TRPM3: variants seen among roughly 807,000 people sequenced by gnomAD.
TRPM3 encodes long transient receptor potential channel 3.
A neutral mutation model predicts 181.2 loss-of-function variants in TRPM3; 77 were observed. That is an observed-to-expected ratio of 0.42 (90% CI 0.35 to 0.51). The LOEUF is 0.51. TRPM3 is among the 20% of genes least tolerant of loss of function. The pLI is 0.01. For missense variants in TRPM3, 1,759 were observed against 2,196.7 expected, an observed-to-expected ratio of 0.80 and a Z score of 3.98; for synonymous variants, 745 against 796.4, an observed-to-expected ratio of 0.94 and a Z score of 1.09.
At chr9:71,155,918 G>C (rs778185726) in intron 1 of TRPM3, among the ~76,000 whole-genome samples, 49 of 152,090 alleles carry the variant, frequency 3.2e-4, no homozygotes, top group African/African-American at 9.7e-5. Flanking sequence ...ATCACCCAGG[G>C]AAAGTGTCAA....
intron 1 of TRPM3, among the ~76,000 whole-genome samples, chr9:71,049,825 C>A (rs1339218911): frequency 1.3e-5 from 2 of 152,142 alleles, no homozygotes; most frequent in Non-Finnish European, 2.9e-5. Flanking sequence ...TTTTCTAGTT[C>A]TGTAAGTTTG....
intron 1 of TRPM3, among the ~76,000 whole-genome samples, chr9:71,152,868 C>T (rs1312192617): frequency 6.6e-6 from 1 of 152,174 alleles, no homozygotes; most frequent in African/African-American, 2.4e-5. Context: ...ATTTCAGGCA[C>T]TGTGTTTGGT....
At chr9:71,359,098 G>A (rs1465559129) in intron 1 of TRPM3, among the ~76,000 whole-genome samples, 2 of 152,218 alleles carry the variant, frequency 1.3e-5, no homozygotes, top group Non-Finnish European at 2.9e-5. Context: ...AACTAGGTGG[G>A]CAAGATTAAC....
rs560814523 is a variant in TRPM3 at position 70,808,390 on chromosome 9, T to C, written c.973+19457A>G. Among the ~76,000 whole-genome samples, 13 of 152,300 alleles carry C rather than the reference T, an allele frequency of 8.5e-5. No homozygotes were observed. In the East Asian group the frequency reaches 1.9e-3, roughly 23 times the overall value. On this transcript the variant is annotated intron_variant, in intron 6 of 25. Coordinates refer to ENST00000677713, the MANE Select transcript of TRPM3 (RefSeq NM_001366145.2). Reference sequence around the variant, plus strand: ...ACTATCCCAGTCCCTGAACAACTAATTCCAATGTAGAAAAGTCTCTTTGCT... The same window carrying C: ...ACTATCCCAGTCCCTGAACAACTAACTCCAATGTAGAAAAGTCTCTTTGCT...
chr9:70,946,335 C>T lies in TRPM3; in HGVS notation c.178-81824G>A, dbSNP rs563645434. ...TTATACTGGTTAAGAACCTTGAATC[C>T]TTAGGCAGGCTGAGTTAAAATTCCA... On this transcript the variant is annotated intron_variant, in intron 1 of 25. Transcript: ENST00000677713. Among the ~76,000 whole-genome samples the T allele has an allele frequency of 1.2e-3, 182 of 152,060 alleles. 1 individual carries two copies. The highest frequency in any genetic ancestry group is 4.2e-3 in the African/African-American group (175 of 41,440).
At chr9:71,153,291 A>ATTT (rs370590474) in intron 1 of TRPM3, among the ~76,000 whole-genome samples, 3,968 of 139,998 alleles carry the variant, frequency 0.028, 216 homozygotes, top group African/African-American at 0.096. Flanking sequence ...GGCGCCATTA[A>ATTT]TTTTTTTTTT....
chr9:71,173,931 A>G (rs1490023768), intron 1 of TRPM3, among the ~76,000 whole-genome samples: 2 of 152,212 alleles, frequency 1.3e-5, no homozygotes, highest in Admixed American at 6.6e-5. Flanking sequence ...TGCTAAAAAT[A>G]AAGTCATTCC....
At chr9:70,935,449 G>T (rs904475305) in intron 1 of TRPM3, among the ~76,000 whole-genome samples, 4 of 152,182 alleles carry the variant, frequency 2.6e-5, no homozygotes, top group Non-Finnish European at 5.9e-5. Flanking sequence ...AGGCTGACCT[G>T]CATAATTACC....
intron 7 of TRPM3, among the ~76,000 whole-genome samples, chr9:70,778,300 T>A (rs1323524587): frequency 2.0e-5 from 3 of 152,190 alleles, no homozygotes; most frequent in Admixed American, 2.0e-4. Context: ...TCTGTGCTCT[T>A]GTGACCTTTT....
chr9:71,279,040 AAAAT>A (rs1365678197), intron 1 of TRPM3, among the ~76,000 whole-genome samples: 2 of 96,550 alleles, frequency 2.1e-5, no homozygotes, highest in Non-Finnish European at 2.3e-5. Context: ...TAGGTTAAAA[AAAAT>A]AAAAATAAAA....
chr9:71,163,268 C>T (rs779939945), intron 1 of TRPM3, among the ~76,000 whole-genome samples: 27 of 151,716 alleles, frequency 1.8e-4, no homozygotes, highest in South Asian at 4.2e-4. Flanking sequence ...GTGATTTGGA[C>T]GAGAATAGAT....
At chr9:71,296,151 T>C (rs1045020215) in intron 1 of TRPM3, among the ~76,000 whole-genome samples, 1 of 152,232 alleles carries the variant, frequency 6.6e-6, no homozygotes, top group Non-Finnish European at 1.5e-5. Flanking sequence ...GTTTCTCTTT[T>C]AATCTTCAAA....
In TRPM3 at chr9:70,541,406, G is replaced by A. The variant is rs568017224; in HGVS notation, c.3708-4001C>T. On this transcript the variant is annotated intron_variant, in intron 25 of 25. Transcript: ENST00000677713. ...GAAATGTGTGATCACTTAGGTCATG[G>A]ACCTAGCTGATAGGGGTTTAATATA... Among the ~76,000 whole-genome samples, 11 of 152,204 alleles carry A rather than the reference G, an allele frequency of 7.2e-5. No homozygotes were observed. In the South Asian group the frequency reaches 2.3e-3, roughly 32 times the overall value.
chr9:71,178,204 T>C (rs1348821282), intron 1 of TRPM3, among the ~76,000 whole-genome samples: 2 of 152,100 alleles, frequency 1.3e-5, no homozygotes, highest in Non-Finnish European at 2.9e-5. Flanking sequence ...AAAGAGGAAT[T>C]CTTATGCATA....
At chr9:71,277,941 A>C (rs1475042952) in intron 1 of TRPM3, among the ~76,000 whole-genome samples, 1 of 152,238 alleles carries the variant, frequency 6.6e-6, no homozygotes, top group Non-Finnish European at 1.5e-5. Context: ...AAGAAAAATG[A>C]AATACAAAGG....
intron 1 of TRPM3, among the ~76,000 whole-genome samples, chr9:71,394,113 A>G (rs1278809842): frequency 2.0e-5 from 3 of 152,194 alleles, no homozygotes; most frequent in Non-Finnish European, 4.4e-5. Context: ...CACCAGAAAA[A>G]TCAATGAAGC....
chr9:70,603,293 A>C, intron 20 of TRPM3, 49 bp downstream of exon 20: 1 of 1,593,568 alleles, frequency 6.3e-7, no homozygotes, highest in East Asian at 2.2e-5. Flanking sequence ...CCACAGATAG[A>C]ACTTAACCAC....
At chr9:70,983,300 T>C (rs2097383170) in intron 1 of TRPM3, among the ~76,000 whole-genome samples, 1 of 152,136 alleles carries the variant, frequency 6.6e-6, no homozygotes. Context: ...TTCTCCAGGA[T>C]CAGTTCTAAT....
At chr9:71,047,859 C>T (rs2059632376) in intron 1 of TRPM3, among the ~76,000 whole-genome samples, 3 of 116,352 alleles carry the variant, frequency 2.6e-5, no homozygotes, top group Non-Finnish European at 5.6e-5. Context: ...CACACACACA[C>T]TCACACAACA....
Sources: gnomAD v4.1 joint callset for allele counts (sites outside exome capture counted in the v4.1 genomes callset) on GRCh38, gnomAD v4.1.1 for gene constraint, MANE v1.5 for transcripts, NCBI Gene and HGNC (gene_info 2026-07-23, HGNC 2026-07-21) for gene names.